The following ABCB1 variants were observed in gnomAD, a reference collection of about 807,000 sequenced individuals.
ABCB1 encodes ATP binding cassette subfamily B member 1.
A neutral mutation model predicts 142.0 loss-of-function variants in ABCB1; 69 were observed. The ratio of observed to expected loss-of-function variants is 0.49; its 90% CI spans 0.40 to 0.59. ABCB1 has a LOEUF of 0.59. ABCB1 is among the 20% of genes least tolerant of loss of function. ABCB1 has a pLI of 0.00. For missense variants in ABCB1, 1,326 were observed against 1,554.7 expected (o/e 0.85, Z 2.47); for synonymous variants, 532 against 539.2 (o/e 0.99, Z 0.18).
intron 1 of ABCB1, among the ~76,000 whole-genome samples, chr7:87,631,467 T>C (rs951738377): frequency 6.6e-6 from 1 of 152,216 alleles, no homozygotes; most frequent in African/African-American, 2.4e-5. Flanking sequence ...CTCGGCTCAC[T>C]GCAAGCTCCG....
At chr7:87,543,073 T>C (rs6961882) in intron 17 of ABCB1, among the ~76,000 whole-genome samples, 64,476 of 151,886 alleles carry the variant, frequency 0.42, 13,791 homozygotes, top group African/African-American at 0.45. Flanking sequence ...GTAGGTGGAT[T>C]ACTTGAGGTT....
intron 3 of ABCB1, among the ~76,000 whole-genome samples, chr7:87,593,720 C>T (rs1162546838): frequency 6.6e-6 from 1 of 152,234 alleles, no homozygotes. Flanking sequence ...TCCTTGGGCA[C>T]TGAGTCTCTA....
chr7:87,550,447 A>AT, intron 11 of ABCB1, 21 bp downstream of exon 11: 1 of 1,607,284 alleles, frequency 6.2e-7, no homozygotes, highest in East Asian at 2.2e-5. Context: ...TTAATTGTTG[A>AT]TTAATCATTT....
intron 1 of ABCB1, among the ~76,000 whole-genome samples, chr7:87,690,541 A>G (rs750701876): frequency 6.6e-5 from 10 of 152,188 alleles, no homozygotes; most frequent in Non-Finnish European, 1.5e-4. Flanking sequence ...AAAGTTATAT[A>G]TAGTACTACA....
chr7:87,594,302 G>C (rs934852510), intron 3 of ABCB1, among the ~76,000 whole-genome samples: 3 of 152,100 alleles, frequency 2.0e-5, no homozygotes, highest in African/African-American at 7.2e-5. Flanking sequence ...TTCTCAAAAG[G>C]AGTTGTAAGG....
rs777987186 is a variant in ABCB1, at chr7:87,504,257, T to C, written c.3829A>G (p.Thr1277Ala). ...ACAGTCAGAGTTCACTGGCGCTTTGTTCCAGCCTGGACACTGACCATTGAA... is the reference window on the plus strand; with the variant it reads ...ACAGTCAGAGTTCACTGGCGCTTTGCTCCAGCCTGGACACTGACCATTGAA... ...YFSMVSVQAG[T>A]KRQ is the part of the protein sequence containing the mutation. The change falls in exon 28 of 28, where the codon ACA becomes GCA. Residue 1277 changes from threonine (T) to alanine (A), a missense_variant. Physicochemically the swap from Thr to Ala is moderately conservative, Grantham distance 58. Transcript: ENST00000622132. The C allele has an allele frequency of 1.9e-6, 3 of 1,614,122 alleles. No homozygotes were observed. The Admixed American group carries it at 5.0e-5, about 27-fold the overall frequency.
intron 26 of ABCB1, among the ~76,000 whole-genome samples, chr7:87,506,485 A>G (rs931679070): frequency 2.0e-5 from 3 of 152,226 alleles, no homozygotes; most frequent in Admixed American, 2.0e-4. Flanking sequence ...TTCTTGGGAT[A>G]TCAGCCTTTT....
chr7:87,660,369 T>C (rs1244034006), intron 1 of ABCB1, among the ~76,000 whole-genome samples: 1 of 152,114 alleles, frequency 6.6e-6, no homozygotes, highest in African/African-American at 2.4e-5. Flanking sequence ...TTCTATCCCA[T>C]ATACTCTCAA....
chr7:87,542,493 C>G (rs1816585685), intron 17 of ABCB1, among the ~76,000 whole-genome samples: 1 of 152,200 alleles, frequency 6.6e-6, no homozygotes, highest in Non-Finnish European at 1.5e-5. Flanking sequence ...AGCCCACTAT[C>G]TTCAATGAGG....
At chr7:87,692,104 A>G (rs547198225) in intron 1 of ABCB1, among the ~76,000 whole-genome samples, 2 of 152,172 alleles carry the variant, frequency 1.3e-5, no homozygotes, top group Non-Finnish European at 2.9e-5. Context: ...CACAGCCAAA[A>G]TGAAAATCAG....
rs1317026198 is a variant in ABCB1, at chr7:87,626,090, ATATATATATTG to A, written c.-330-25023_-330-25013del. 2.7e-4 allele frequency among the ~76,000 whole-genome samples: 27 copies of A among 99,604 alleles called. 1 individual carries two copies. Among genetic ancestry groups the A allele is most frequent in the Admixed American group, 2.4e-3 (23 of 9,568 alleles). The allele number at this position is 99,604 out of a possible 152,430, so 65.3% of individuals were successfully genotyped here. On this transcript the variant is annotated intron_variant, in intron 1 of 28. Transcript: ENST00000265724. The stretch of plus-strand genomic sequence containing the variant: ...CCCAGGCTGAGACATATATATATAT[ATATATATATTG>A]TCATATATATGTGTCATATATATTG...
chr7:87,700,248 T>G (rs1828903275), intron 1 of ABCB1, among the ~76,000 whole-genome samples: 1 of 152,184 alleles, frequency 6.6e-6, no homozygotes, highest in South Asian at 2.1e-4. Flanking sequence ...ACACCACTAG[T>G]TAAAGATAGA....
chr7:87,696,355 T>G (rs1333043109), intron 1 of ABCB1, among the ~76,000 whole-genome samples: 1 of 152,186 alleles, frequency 6.6e-6, no homozygotes, highest in Admixed American at 6.6e-5. Flanking sequence ...GCTTGTAACT[T>G]TGTTTTTAAA....
At chr7:87,521,570 A>T in intron 21 of ABCB1, 1 of 756,214 alleles carries the variant, frequency 1.3e-6, no homozygotes, top group Admixed American at 1.7e-5. Context: ...CATTTTGAGC[A>T]ATGGGGAATG....
upstream of ABCB1, among the ~76,000 whole-genome samples, chr7:87,602,484 T>C (rs1819499481): frequency 6.6e-6 from 1 of 152,106 alleles, no homozygotes; most frequent in African/African-American, 2.4e-5. Flanking sequence ...GTTTTTAATC[T>C]TATTTGTGCC....
In ABCB1 at chr7:87,567,055, A is replaced by G. The variant is rs1817814382; in HGVS notation, c.339-79T>C. ...TTTTCCAAAGAGACCACTCATTCCT[A>G]TTTTTTCACTTATCTGGGTATCTCG... On this transcript the variant is annotated intron_variant, in intron 5 of 27. Coordinates refer to ENST00000622132, the MANE Select transcript of ABCB1 (RefSeq NM_001348946.2). 12 of 1,367,768 alleles carry G rather than the reference A, an allele frequency of 8.8e-6. No individual in the cohort carries two copies. The East Asian group carries it at 9.3e-5, about 11-fold the overall frequency. The allele number at this position is 1,367,768 out of a possible 1,614,324, so 84.7% of individuals were successfully genotyped here. A position where few individuals can be genotyped will look rare whatever the true frequency, so the allele number is the denominator to read the frequency against.
At chr7:87,677,773 C>G (rs574292605) in intron 1 of ABCB1, among the ~76,000 whole-genome samples, 1 of 152,176 alleles carries the variant, frequency 6.6e-6, no homozygotes, top group Non-Finnish European at 1.5e-5. Context: ...TAGAAGATTA[C>G]AGCAAAAAAT....
intron 20 of ABCB1, among the ~76,000 whole-genome samples, chr7:87,535,436 A>T (rs561095984): frequency 1.3e-5 from 2 of 151,620 alleles, no homozygotes; most frequent in East Asian, 3.9e-4. Flanking sequence ...GAGTTCAAGT[A>T]ATTCTCGTAC....
chr7:87,703,915 T>TTG (rs1829349921), intron 1 of ABCB1, among the ~76,000 whole-genome samples: 4 of 18,544 alleles, frequency 2.2e-4, no homozygotes, highest in Non-Finnish European at 4.4e-4. Flanking sequence ...TTTTTTTTGG[T>TTG]TTTTTTTTTT....
Sources: gnomAD v4.1 joint callset for allele counts (sites outside exome capture counted in the v4.1 genomes callset) on GRCh38, gnomAD v4.1.1 for gene constraint, MANE v1.5 for transcripts, NCBI Gene and HGNC (gene_info 2026-07-23, HGNC 2026-07-21) for gene names.